The following DIP2C variants were observed in gnomAD, a reference collection of about 807,000 sequenced individuals.
The protein encoded by DIP2C is DIP2 acetate--CoA ligase C (putative), also known as disco-interacting protein 2 homolog C.
A neutral mutation model predicts 192.4 loss-of-function variants in DIP2C; 33 were observed. The observed-to-expected ratio is 0.17, with a 90% CI of 0.13 to 0.23. DIP2C has a LOEUF of 0.23. DIP2C is among the 10% of genes least tolerant of loss of function. The pLI, the probability that DIP2C is intolerant of heterozygous loss-of-function variation, is 1.00. For synonymous variants in DIP2C, 979 were observed against 864.1 expected, an observed-to-expected ratio of 1.13 and a Z score of -2.33; for missense variants, 1,537 against 2,110.1, an observed-to-expected ratio of 0.73 and a Z score of 5.32.
At chr10:301,181 G>T (rs1366533170) in intron 32 of DIP2C, among the ~76,000 whole-genome samples, 1 of 152,188 alleles carries the variant, frequency 6.6e-6, no homozygotes, top group African/African-American at 2.4e-5. Flanking sequence ...AGCAGGAGAT[G>T]AACCCAGACC....
At position 605,479 on chromosome 10, in the gene DIP2C, G is replaced by A. The variant is rs183347463; in HGVS notation, c.85+84015C>T. On this transcript the variant is annotated intron_variant, in intron 1 of 36. Coordinates refer to ENST00000280886, the MANE Select transcript of DIP2C (RefSeq NM_014974.3). The stretch of plus-strand genomic sequence containing the variant: ...CAACAAATAAGATCAACTGATGCCC[G>A]CCCTTCGCACCACATAAACTGTTAC... Among the ~76,000 whole-genome samples, 148 of 152,240 alleles carry A rather than the reference G, an allele frequency of 9.7e-4. 1 individual carries two copies. The highest frequency in any genetic ancestry group is 5.0e-3 in the South Asian group (24 of 4,816).
intron 10 of DIP2C, among the ~76,000 whole-genome samples, chr10:397,693 C>T (rs1397981825): frequency 1.3e-5 from 2 of 152,246 alleles, no homozygotes; most frequent in East Asian, 3.8e-4. Flanking sequence ...ACTGCAGCCG[C>T]CCCACTTCAT....
intron 3 of DIP2C, among the ~76,000 whole-genome samples, chr10:451,612 G>A (rs1475765609): frequency 6.6e-6 from 1 of 152,304 alleles, no homozygotes; most frequent in East Asian, 1.9e-4. Context: ...AGAATTGAAA[G>A]AACTACATCA....
intron 31 of DIP2C, among the ~76,000 whole-genome samples, chr10:315,818 C>T (rs907001657): frequency 2.6e-5 from 4 of 152,086 alleles, no homozygotes; most frequent in Non-Finnish European, 4.4e-5. Context: ...TATGTTAGAC[C>T]CACGGGCCTC....
rs747511105 is a variant in DIP2C, at chr10:414,019, C to T, written c.951G>A (p.Pro317=). The T allele has an allele frequency of 5.3e-5, 85 of 1,613,998 alleles. No homozygotes were observed. In the East Asian group the frequency reaches 1.6e-3, roughly 30 times the overall value. Residue 317 remains proline, a synonymous_variant, in exon 8 of 37, where the codon CCG becomes CCA. Transcript: ENST00000280886. ...TCTGCAGTGCGGCCTCCAGCGACGG[C>T]GGCCAGTTCGTGACCACGCCCAGCT... ...GEQLGVVTNW[P]PSLEAALQRW...
intron 1 of DIP2C, among the ~76,000 whole-genome samples, chr10:659,028 CATA>C (rs1311738384): frequency 5.9e-5 from 9 of 152,076 alleles, no homozygotes; most frequent in Non-Finnish European, 1.3e-4. Context: ...CACACATTCA[CATA>C]ATCACATTCA....
intron 31 of DIP2C, among the ~76,000 whole-genome samples, chr10:321,111 T>C (rs150288770): frequency 9.8e-5 from 15 of 152,316 alleles, no homozygotes; most frequent in African/African-American, 3.6e-4. Flanking sequence ...AGAGTGCCAC[T>C]GATAGAGCCG....
At chr10:340,590 A>G (rs544769871) in intron 29 of DIP2C, 93 of 355,996 alleles carry the variant, frequency 2.6e-4, no homozygotes, top group African/African-American at 1.9e-3. Flanking sequence ...TCTTCTTCAT[A>G]TTTTCTATAA....
chr10:483,246 C>CCTTTT (rs1843738861), intron 2 of DIP2C, among the ~76,000 whole-genome samples: 2 of 152,224 alleles, frequency 1.3e-5, no homozygotes, highest in African/African-American at 2.4e-5. Context: ...GGAAGTTAAT[C>CCTTTT]AGAACACAAA....
At position 545,166 on chromosome 10, in the gene DIP2C, C is replaced by CCTTTTTTTTTTT. The variant is rs1554896881; in HGVS notation, c.86-58637_86-58636insAAAAAAAAAAAG. Among the ~76,000 whole-genome samples the CCTTTTTTTTTTT allele has an allele frequency of 6.0e-3, 516 of 86,368 alleles. 17 individuals carry two copies. Among genetic ancestry groups the CCTTTTTTTTTTT allele is most frequent in the Middle Eastern group, 0.017 (2 of 120 alleles). 56.7% of individuals were successfully genotyped at this position (86,368 alleles called of 152,430 possible). The stretch of plus-strand genomic sequence containing the variant: ...TGATCCAACATGACTGGTGTTTTCC[C>CCTTTTTTTTTTT]TTTTTTTTTTTTTTTTTTTTTTTGA... On this transcript the variant is annotated intron_variant, in intron 1 of 36. Transcript: ENST00000280886.
chr10:685,034 T>C (rs990568669), intron 1 of DIP2C, among the ~76,000 whole-genome samples: 1 of 146,408 alleles, frequency 6.8e-6, no homozygotes, highest in Non-Finnish European at 1.5e-5. Context: ...CTTGAGAGGC[T>C]GAGGCAGGAG....
At chr10:451,432 A>C (rs998367543) in intron 3 of DIP2C, among the ~76,000 whole-genome samples, 2 of 152,134 alleles carry the variant, frequency 1.3e-5, no homozygotes, top group African/African-American at 4.8e-5. Flanking sequence ...CAAAACCACA[A>C]CCACCGCAAC....
At chr10:420,159 G>A (rs919395046) in intron 5 of DIP2C, among the ~76,000 whole-genome samples, 4 of 152,226 alleles carry the variant, frequency 2.6e-5, no homozygotes, top group Non-Finnish European at 4.4e-5. Context: ...TCTCTTCACC[G>A]GACGCTGCCC....
chr10:516,961 C>G (rs957375787), intron 1 of DIP2C, among the ~76,000 whole-genome samples: 1 of 151,316 alleles, frequency 6.6e-6, no homozygotes, highest in South Asian at 2.1e-4. Flanking sequence ...GAGAGGCATC[C>G]GCGGCACTTC....
chr10:619,491 T>G (rs1853699310), intron 1 of DIP2C, among the ~76,000 whole-genome samples: 1 of 142,666 alleles, frequency 7.0e-6, no homozygotes, highest in African/African-American at 2.7e-5. Context: ...AGACGCAGAA[T>G]ATCGGGAGCA....
At chr10:545,166 CTTTTTTTTTTTT>C (rs60185327) in intron 1 of DIP2C, among the ~76,000 whole-genome samples, 2 of 86,336 alleles carry the variant, frequency 2.3e-5, no homozygotes, top group Non-Finnish European at 4.1e-5. Context: ...GGTGTTTTCC[CTTTTTTTTTTTT>C]TTTTTTTTTT....
chr10:601,006 G>A (rs543069554), intron 1 of DIP2C, among the ~76,000 whole-genome samples: 4 of 152,278 alleles, frequency 2.6e-5, no homozygotes, highest in South Asian at 2.1e-4. Context: ...CTCATGGCAC[G>A]TTACATGTTC....
At chr10:615,506 G>C (rs1006139449) in intron 1 of DIP2C, among the ~76,000 whole-genome samples, 2 of 152,150 alleles carry the variant, frequency 1.3e-5, no homozygotes, top group African/African-American at 4.8e-5. Flanking sequence ...GAGGGCTCAA[G>C]ACACTGCACC....
intron 1 of DIP2C, among the ~76,000 whole-genome samples, chr10:559,257 A>G (rs956877029): frequency 2.6e-5 from 4 of 151,418 alleles, no homozygotes; most frequent in African/African-American, 9.7e-5. Flanking sequence ...GGGACCACAG[A>G]CCCCACGACG....
Sources: gnomAD v4.1 joint callset for allele counts (sites outside exome capture counted in the v4.1 genomes callset) on GRCh38, gnomAD v4.1.1 for gene constraint, MANE v1.5 for transcripts, NCBI Gene and HGNC (gene_info 2026-07-23, HGNC 2026-07-21) for gene names.